The following VLDLR variants were observed in gnomAD, a reference collection of about 807,000 sequenced individuals.
VLDLR encodes very low-density lipoprotein receptor.
A neutral mutation model predicts 112.7 loss-of-function variants in VLDLR; 81 were observed. The ratio of observed to expected loss-of-function variants is 0.72; its 90% confidence interval spans 0.60 to 0.86. VLDLR has a LOEUF of 0.86. Among genes scored for constraint, VLDLR ranks in the 40% least tolerant of loss-of-function variants. The pLI, the probability that VLDLR is intolerant of heterozygous loss-of-function variation, is 0.00. For missense variants in VLDLR, 1,237 were observed against 1,099.4 expected (o/e 1.13, Z -1.77); for synonymous variants, 436 against 384.8 (o/e 1.13, Z -1.56).
intron 1 of VLDLR, among the ~76,000 whole-genome samples, chr9:2,633,927 A>G (rs1817482175): frequency 1.3e-5 from 2 of 152,170 alleles, no homozygotes; most frequent in Non-Finnish European, 2.9e-5. Context: ...GCTTCCTGAC[A>G]ACAATCTCTA....
chr9:2,644,732 A>G lies in VLDLR; in HGVS notation c.1067-2A>G. On this transcript the variant is annotated splice_acceptor_variant, in intron 7 of 18. Coordinates refer to ENST00000382100, the MANE Select transcript of VLDLR (RefSeq NM_003383.5). LOFTEE classifies it high-confidence loss of function. ...CAAGTGACTACTACATTTTTATTCC[A>G]GATATAAACGAATGCTTGGTAAATA... 1.2e-6 allele frequency: 2 copies of G among 1,614,150 alleles called. No homozygotes were observed. Among genetic ancestry groups the G allele is most frequent in the Non-Finnish European group, 1.7e-6 (2 of 1,180,024 alleles).
rs1308307047 is a variant in VLDLR at position 2,647,498 on chromosome 9, T to C, written c.1728T>C (p.Gly576=). ...LSGFVYWSDW[G]EPAKIEKAGM... ...GCTTTGTTTACTGGTCAGACTGGGG[T>C]GAACCAGCTAAAATAGAAAAAGCAG... Residue 576 remains glycine (G), a synonymous_variant, in exon 12 of 19, where the codon GGT becomes GGC. Coordinates refer to ENST00000382100, the MANE Select transcript of VLDLR (RefSeq NM_003383.5). 3 of 1,613,980 alleles carry C rather than the reference T, an allele frequency of 1.9e-6. No individual in the cohort carries two copies. The highest frequency in any genetic ancestry group is 2.5e-6 in the Non-Finnish European group (3 of 1,179,968).
intron 1 of VLDLR, 23 bp downstream of exon 1, chr9:2,622,294 G>A: frequency 1.4e-6 from 2 of 1,454,636 alleles, no homozygotes. Flanking sequence ...GCGCCCCTCC[G>A]CCGGCGGGCG....
In VLDLR at chr9:2,641,475, A is replaced by T. The variant is rs1485907676; in HGVS notation, c.424A>T (p.Ser142Cys). 1 of 1,614,210 alleles carries T rather than the reference A, an allele frequency of 6.2e-7. No homozygotes were observed. Among genetic ancestry groups the T allele is most frequent in the Non-Finnish European group, 8.5e-7 (1 of 1,180,036 alleles). ...ATGTGATGGTGAAAATGATTGTGAC[A>T]GTGGAGAAGATGAAGAAAACTGTGG... Reference protein sequence around the residue: ...WRCDGENDCDSGEDEENCGNI... With the variant: ...WRCDGENDCDCGEDEENCGNI... Residue 142 changes from serine to cysteine, a missense_variant, in exon 4 of 19, where the codon AGT becomes TGT. Physicochemically the swap from Ser to Cys is moderately radical, Grantham distance 112. Transcript: ENST00000382100.
At chr9:2,629,924 G>C (rs931455742) in intron 1 of VLDLR, among the ~76,000 whole-genome samples, 1 of 152,180 alleles carries the variant, frequency 6.6e-6, no homozygotes, top group South Asian at 2.1e-4. Flanking sequence ...AGCCTCCCAA[G>C]GAGCTGGGAT....
Position 2,643,727 on chromosome 9 carries a change from C to G in VLDLR, c.920C>G (p.Ser307Cys). ...CNGIRDCVDG[S>C]DEVNCKNVNQ... ...GGTATCCGAGACTGTGTCGATGGTT[C>G]CGATGAAGTCAACTGCAAAAATGGT... The change falls in exon 6 of 19, where the codon TCC (serine) becomes TGC (cysteine). Residue 307 changes from serine (S) to cysteine (C), a missense_variant. By Grantham distance (112) the Ser-to-Cys change is moderately radical. Transcript: ENST00000382100. 1 of 1,614,136 alleles carries G rather than the reference C, an allele frequency of 6.2e-7. No homozygotes were observed. Among genetic ancestry groups the G allele is most frequent in the Non-Finnish European group, 8.5e-7 (1 of 1,180,026 alleles).
intron 1 of VLDLR, among the ~76,000 whole-genome samples, chr9:2,634,426 T>TGCA (rs1817509623): frequency 6.6e-6 from 1 of 152,218 alleles, no homozygotes; most frequent in African/African-American, 2.4e-5. Flanking sequence ...CTCAAATATT[T>TGCA]GCAGTATATT....
chr9:2,635,597 T>C (rs201573215), intron 2 of VLDLR, 25 bp downstream of exon 2: 144 of 1,613,820 alleles, frequency 8.9e-5, no homozygotes, highest in Middle Eastern at 4.9e-4. Flanking sequence ...TGATGACTTA[T>C]GCATTTTGTT....
chr9:2,645,226 G>A, intron 9 of VLDLR, 144 bp downstream of exon 9: 1 of 1,242,538 alleles, frequency 8.0e-7, no homozygotes. Context: ...AGCAGTATAG[G>A]TCAAATAGCA....
intron 10 of VLDLR, among the ~76,000 whole-genome samples, chr9:2,645,999 T>C (rs1818052457): frequency 6.6e-6 from 1 of 152,180 alleles, no homozygotes; most frequent in African/African-American, 2.4e-5. Context: ...TACAGTTAAT[T>C]GAGAACTGTT....
Position 2,654,100 on chromosome 9 carries a change from G to T in VLDLR, c.*232G>T. On this transcript the variant is annotated 3_prime_UTR_variant, in exon 19 of 19. Coordinates refer to ENST00000382100, the MANE Select transcript of VLDLR (RefSeq NM_003383.5). ...TGGTTACCGAGTATCTGTAACCCTTGAATTTCTAGACAGTATTGCCACCTC... is the reference window on the plus strand; with the variant it reads ...TGGTTACCGAGTATCTGTAACCCTTTAATTTCTAGACAGTATTGCCACCTC... The T allele has an allele frequency of 1.9e-6, 1 of 527,922 alleles. No homozygotes were observed. The highest frequency in any genetic ancestry group is 3.4e-6 in the Non-Finnish European group (1 of 292,392). The allele number at this position is 527,922 out of a possible 1,614,324, so 32.7% of individuals were successfully genotyped here. A position where few individuals can be genotyped will look rare whatever the true frequency, so the allele number is the denominator to read the frequency against.
chr9:2,641,476 G>A lies in VLDLR; in HGVS notation c.425G>A (p.Ser142Asn), dbSNP rs376983674. 1 of 1,614,216 alleles carries A rather than the reference G, an allele frequency of 6.2e-7. No homozygotes were observed. The highest frequency in any genetic ancestry group is 8.5e-7 in the Non-Finnish European group (1 of 1,180,034). ...TGTGATGGTGAAAATGATTGTGACA[G>A]TGGAGAAGATGAAGAAAACTGTGGT... ...WRCDGENDCD[S>N]GEDEENCGNI... Residue 142 changes from serine (S) to asparagine (N), a missense_variant, in exon 4 of 19, where the codon AGT (serine) becomes AAT (asparagine). Coordinates refer to ENST00000382100, the MANE Select transcript of VLDLR (RefSeq NM_003383.5).
intron 4 of VLDLR, 124 bp downstream of exon 4, chr9:2,641,623 A>G (rs1340244957): frequency 8.6e-6 from 12 of 1,390,224 alleles, no homozygotes; most frequent in East Asian, 2.4e-5. Flanking sequence ...TGACTTCACT[A>G]TCTGCTCAAT....
intron 17 of VLDLR, 51 bp downstream of exon 17, chr9:2,652,005 T>A (rs112257609): frequency 6.3e-7 from 1 of 1,578,888 alleles, no homozygotes; most frequent in Admixed American, 1.7e-5. Flanking sequence ...AGATACCAGA[T>A]GAAGATTTTT....
At chr9:2,625,273 A>G (rs1817039356) in intron 1 of VLDLR, among the ~76,000 whole-genome samples, 1 of 152,228 alleles carries the variant, frequency 6.6e-6, no homozygotes. Flanking sequence ...CTAGAGTAGA[A>G]CATGACCATA....
At position 2,643,548 on chromosome 9, in the gene VLDLR, C is replaced by T. The variant is rs769166957; in HGVS notation, c.820+17C>T. On this transcript the variant is annotated intron_variant, in intron 5 of 18. Transcript: ENST00000382100. ...TCAACTGTCGTAAGTAGCTTTCTAG[C>T]ATGGCATGTTCAGTTCTCTTCCCTG... The T allele has an allele frequency of 4.3e-6, 7 of 1,614,208 alleles. No homozygotes were observed. The highest frequency in any genetic ancestry group is 1.3e-5 in the African/African-American group (1 of 75,064).
chr9:2,625,744 A>C (rs1329521989), intron 1 of VLDLR, among the ~76,000 whole-genome samples: 2 of 152,202 alleles, frequency 1.3e-5, no homozygotes, highest in African/African-American at 4.8e-5. Context: ...GTGATAGACT[A>C]CTTTCAAGGC....
chr9:2,647,462 A>G lies in VLDLR; in HGVS notation c.1704-12A>G. On this transcript the variant is annotated splice_polypyrimidine_tract_variant and intron_variant, in intron 11 of 18. Transcript: ENST00000382100. The stretch of plus-strand genomic sequence containing the variant: ...AACCACTGAGGCTTATTTCTCATTT[A>G]ATTTTTCACAGCTTTGTTTACTGGT... 1 of 1,609,666 alleles carries G rather than the reference A, an allele frequency of 6.2e-7. No individual in the cohort carries two copies. The highest frequency in any genetic ancestry group is 8.5e-7 in the Non-Finnish European group (1 of 1,176,014).
chr9:2,645,161 A>C, intron 9 of VLDLR, 79 bp downstream of exon 9: 1 of 1,599,778 alleles, frequency 6.3e-7, no homozygotes, highest in Non-Finnish European at 8.6e-7. Context: ...TGACTACAAT[A>C]GTCAAACTAA....
Sources: gnomAD v4.1 joint callset for allele counts (sites outside exome capture counted in the v4.1 genomes callset) on GRCh38, gnomAD v4.1.1 for gene constraint, MANE v1.5 for transcripts, NCBI Gene and HGNC (gene_info 2026-07-23, HGNC 2026-07-21) for gene names.